The following EML4 variants were observed in gnomAD, a reference collection of about 807,000 sequenced individuals.
EML4 encodes the protein echinoderm microtubule-associated protein-like 4.
EML4 carries 72 observed loss-of-function variants against 129.0 expected under a neutral mutation model. The observed-to-expected ratio is 0.56, with a 90% CI of 0.46 to 0.68. EML4 has a LOEUF of 0.68. Ranked by LOEUF, EML4 falls within the 30% of genes least tolerant of loss-of-function variation. The probability of loss-of-function intolerance (pLI) is 0.00; values close to 1 mark genes in which losing one functional copy is unlikely to be tolerated. For missense variants in EML4, 1,363 were observed against 1,190.6 expected (o/e 1.14, Z -2.13); for synonymous variants, 532 against 405.0 (o/e 1.31, Z -3.77).
At chr2:42,238,916 G>C (rs1206768627) in intron 1 of EML4, among the ~76,000 whole-genome samples, 2 of 152,096 alleles carry the variant, frequency 1.3e-5, no homozygotes, top group Admixed American at 1.3e-4. Flanking sequence ...TGGGACTATA[G>C]GTGTGTGCTG....
intron 19 of EML4, among the ~76,000 whole-genome samples, chr2:42,323,360 GTTAGTAGGTCCC>G (rs140362040): frequency 0.019 from 2,824 of 152,322 alleles, 103 homozygotes; most frequent in African/African-American, 0.065. Flanking sequence ...GATTTCTTAA[GTTAGTAGGTCCC>G]CTGTATGCCT....
intron 19 of EML4, among the ~76,000 whole-genome samples, chr2:42,324,888 A>G: frequency 6.6e-6 from 1 of 152,224 alleles, no homozygotes; most frequent in East Asian, 1.9e-4. Context: ...GAATGTTTTA[A>G]GGAATCATGA....
At chr2:42,258,631 C>G (rs1665512191) in intron 3 of EML4, among the ~76,000 whole-genome samples, 1 of 152,034 alleles carries the variant, frequency 6.6e-6, no homozygotes, top group Admixed American at 6.5e-5. Context: ...AACTCCCAAC[C>G]TCAGGTCATC....
Position 42,183,683 on chromosome 2 carries a change from G to A in EML4, c.25+14047G>A, listed in dbSNP as rs548484415. 4.6e-5 allele frequency among the ~76,000 whole-genome samples: 7 copies of A among 152,014 alleles called. No homozygotes were observed. The East Asian group carries it at 1.3e-3, about 29-fold the overall frequency. On this transcript the variant is annotated intron_variant, in intron 1 of 22. Coordinates refer to ENST00000318522, the MANE Select transcript of EML4 (RefSeq NM_019063.5). The stretch of plus-strand genomic sequence containing the variant: ...ATTTAAGGTATAAATATAATACTGT[G>A]TATACAAGTATAAATAATATACTAT...
chr2:42,273,414 G>T (rs577354555), intron 6 of EML4, among the ~76,000 whole-genome samples: 1 of 152,260 alleles, frequency 6.6e-6, no homozygotes, highest in South Asian at 2.1e-4. Context: ...TGACAGAATT[G>T]TAAACAAAAC....
At chr2:42,191,578 G>A (rs1671582670) in intron 1 of EML4, among the ~76,000 whole-genome samples, 1 of 152,180 alleles carries the variant, frequency 6.6e-6, no homozygotes, top group South Asian at 2.1e-4. Flanking sequence ...GAAGGATAGG[G>A]TAGTGCAGAC....
At chr2:42,229,418 C>A (rs547315082) in intron 1 of EML4, among the ~76,000 whole-genome samples, 1 of 151,976 alleles carries the variant, frequency 6.6e-6, no homozygotes, top group East Asian at 1.9e-4. Flanking sequence ...TCTTAAGCAC[C>A]ATATGCATAT....
intron 1 of EML4, among the ~76,000 whole-genome samples, chr2:42,197,613 G>C (rs985372474): frequency 1.3e-5 from 2 of 151,820 alleles, no homozygotes; most frequent in African/African-American, 2.4e-5. Flanking sequence ...TTGTGAATCT[G>C]TTCTACAAAT....
At position 42,332,274 on chromosome 2, in the gene EML4, C is replaced by A. The variant is rs76977389; in HGVS notation, c.*2067C>A. On this transcript the variant is annotated 3_prime_UTR_variant, in exon 23 of 23. Transcript: ENST00000318522. Reference sequence around the variant, plus strand: ...TGAGATTTATAATCATGATACTCTTCGGTGGTAGTTTCAAAAGACACTACT... The same window carrying A: ...TGAGATTTATAATCATGATACTCTTAGGTGGTAGTTTCAAAAGACACTACT... 1 of 213,966 alleles carries A rather than the reference C, an allele frequency of 4.7e-6. No homozygotes were observed. Among genetic ancestry groups the A allele is most frequent in the Non-Finnish European group, 9.5e-6 (1 of 105,722 alleles). The allele number at this position is 213,966 out of a possible 1,614,324, so 13.3% of individuals were successfully genotyped here.
chr2:42,254,886 A>G (rs987836783), intron 2 of EML4, among the ~76,000 whole-genome samples: 3 of 152,206 alleles, frequency 2.0e-5, no homozygotes, highest in African/African-American at 4.8e-5. Flanking sequence ...GAAACAATCC[A>G]GATGATCATC....
intron 1 of EML4, among the ~76,000 whole-genome samples, chr2:42,199,820 A>G (rs1672114083): frequency 6.6e-6 from 1 of 152,232 alleles, no homozygotes; most frequent in African/African-American, 2.4e-5. Flanking sequence ...GCCATAAGTT[A>G]CTAGTCAGAT....
At chr2:42,264,910 C>G (rs1455461803) in intron 6 of EML4, 179 bp downstream of exon 6, 3 of 1,549,758 alleles carry the variant, frequency 1.9e-6, no homozygotes, top group Middle Eastern at 3.3e-4. Flanking sequence ...TCATTTTTGT[C>G]TCAACCAGCA....
At chr2:42,204,845 TTAGG>T (rs1306601433) in intron 1 of EML4, among the ~76,000 whole-genome samples, 3 of 152,148 alleles carry the variant, frequency 2.0e-5, no homozygotes, top group African/African-American at 4.8e-5. Context: ...GTTAACCTAG[TTAGG>T]TAGGTAGAGT....
intron 17 of EML4, among the ~76,000 whole-genome samples, chr2:42,305,507 C>CTA (rs566896372): frequency 5.9e-4 from 90 of 152,244 alleles, no homozygotes; most frequent in African/African-American, 2.0e-3. Context: ...GTTGTTTGTG[C>CTA]TATACCTTTT....
chr2:42,212,231 C>G (rs999672093), intron 1 of EML4, among the ~76,000 whole-genome samples: 4 of 152,146 alleles, frequency 2.6e-5, no homozygotes, highest in Admixed American at 1.3e-4. Context: ...TTCTGATCAT[C>G]TGTTAAGATA....
At chr2:42,233,220 A>C (rs1322157960) in intron 1 of EML4, among the ~76,000 whole-genome samples, 1 of 151,490 alleles carries the variant, frequency 6.6e-6, no homozygotes, top group African/African-American at 2.4e-5. Flanking sequence ...TTAATGTTTT[A>C]TTTTGAGTTG....
At position 42,284,439 on chromosome 2, in the gene EML4, G is replaced by A. The variant is rs890180692; in HGVS notation, c.942-195G>A. Among the ~76,000 whole-genome samples the A allele has an allele frequency of 2.0e-5, 3 of 152,182 alleles. No individual in the cohort carries two copies. In the East Asian group the frequency reaches 5.8e-4, roughly 29 times the overall value. On this transcript the variant is annotated intron_variant, in intron 8 of 22. Coordinates refer to ENST00000318522, the MANE Select transcript of EML4 (RefSeq NM_019063.5). ...ACTTAGTGTTTCATTAATCTGTGCA[G>A]CTTAACAAGTAAAAAGTACAGCTGA...
intron 1 of EML4, among the ~76,000 whole-genome samples, chr2:42,188,396 T>C (rs1010670362): frequency 6.6e-6 from 1 of 151,946 alleles, no homozygotes; most frequent in Admixed American, 6.6e-5. Context: ...AATTTTTGTA[T>C]TTTTTTGTTG....
chr2:42,242,467 T>G (rs1332723090), intron 1 of EML4, among the ~76,000 whole-genome samples: 1 of 152,156 alleles, frequency 6.6e-6, no homozygotes, highest in Non-Finnish European at 1.5e-5. Context: ...ACAAGGTAGT[T>G]AGAACCACCT....
Sources: gnomAD v4.1 joint callset for allele counts (sites outside exome capture counted in the v4.1 genomes callset) on GRCh38, gnomAD v4.1.1 for gene constraint, MANE v1.5 for transcripts, NCBI Gene and HGNC (gene_info 2026-07-23, HGNC 2026-07-21) for gene names.